COG5: variants seen among roughly 807,000 people sequenced by gnomAD.
The protein encoded by COG5 is component of oligomeric golgi complex 5.
In COG5, 86 loss-of-function variants were observed where a neutral mutation model predicts 110.4. The ratio of observed to expected loss-of-function variants is 0.78; its 90% confidence interval spans 0.65 to 0.93. The LOEUF is 0.93. Among genes scored for constraint, COG5 ranks in the 40% least tolerant of loss-of-function variants. The pLI is 0.00. For missense variants in COG5, 1,077 were observed against 987.0 expected (o/e 1.09, Z -1.22); for synonymous variants, 360 against 334.6 (o/e 1.08, Z -0.83).
chr7:107,563,528 A>T, intron 1 of COG5: 2 of 429,052 alleles, frequency 4.7e-6, no homozygotes, highest in Non-Finnish European at 4.2e-6. Context: ...CCGAAACTTC[A>T]GGGAAGCTGG....
chr7:107,425,403 G>A (rs1584807236), intron 6 of COG5, among the ~76,000 whole-genome samples: 1 of 148,428 alleles, frequency 6.7e-6, no homozygotes. Flanking sequence ...CTCCTATGAA[G>A]AGTCTCCATC....
At chr7:107,297,954 C>A (rs1806899589) in intron 12 of COG5, among the ~76,000 whole-genome samples, 188 bp downstream of exon 12, 1 of 151,940 alleles carries the variant, frequency 6.6e-6, no homozygotes, top group South Asian at 2.1e-4. Context: ...AAGTGTTCAA[C>A]TAAGGGTGAA....
intron 10 of COG5, among the ~76,000 whole-genome samples, chr7:107,333,087 T>C (rs974480476): frequency 2.0e-5 from 3 of 152,116 alleles, no homozygotes; most frequent in African/African-American, 4.8e-5. Context: ...GGAAGTACAG[T>C]GTAAAAAACT....
At chr7:107,290,699 ATTTTTTTTCCTTT>A (rs1806093824) in intron 12 of COG5, among the ~76,000 whole-genome samples, 1 of 151,784 alleles carries the variant, frequency 6.6e-6, no homozygotes, top group Admixed American at 6.6e-5. Context: ...TTCTTGGCTC[ATTTTTTTTCCTTT>A]GAGCAATCTG....
intron 2 of COG5, among the ~76,000 whole-genome samples, chr7:107,556,222 C>T (rs1803306133): frequency 6.6e-6 from 1 of 152,094 alleles, no homozygotes; most frequent in Admixed American, 6.6e-5. Context: ...GTGGTAGTTC[C>T]TTCAACTCCG....
At chr7:107,548,899 A>G (rs1395194820) in intron 3 of COG5, among the ~76,000 whole-genome samples, 1 of 152,224 alleles carries the variant, frequency 6.6e-6, no homozygotes, top group Non-Finnish European at 1.5e-5. Context: ...TAGGCTTTCA[A>G]TTAGTACAGA....
At chr7:107,204,931 A>G (rs933178778) in intron 21 of COG5, among the ~76,000 whole-genome samples, 1 of 152,224 alleles carries the variant, frequency 6.6e-6, no homozygotes, top group Non-Finnish European at 1.5e-5. Context: ...AAAGGGCACC[A>G]TCAACTTAAG....
At position 107,483,683 on chromosome 7, in the gene COG5, G is replaced by A. The variant is rs181424683; in HGVS notation, c.538+43554C>T. Among the ~76,000 whole-genome samples the A allele has an allele frequency of 2.5e-3, 373 of 150,502 alleles. 1 individual carries two copies. The highest frequency in any genetic ancestry group is 8.6e-3 in the African/African-American group (352 of 40,908). ...CGCACCATTGCACTCCAGCCTGGGA[G>A]GCAACAAGAGCAAAACTGCATCTAA... On this transcript the variant is annotated intron_variant, in intron 6 of 21. Coordinates refer to ENST00000297135, the MANE Select transcript of COG5 (RefSeq NM_006348.5).
intron 7 of COG5, among the ~76,000 whole-genome samples, 176 bp from the exon 8 acceptor site, chr7:107,372,936 A>G (rs1470951124): frequency 7.1e-6 from 1 of 141,468 alleles, no homozygotes; most frequent in Non-Finnish European, 1.6e-5. Context: ...TTATTTTTAA[A>G]CTTTATTTCA....
At position 107,364,182 on chromosome 7, in the gene COG5, C is replaced by T. The variant is rs118069546; in HGVS notation, c.836-1762G>A. On this transcript the variant is annotated intron_variant, in intron 8 of 21. Transcript: ENST00000297135. ...TAGGAAGTACACAACATCATCTTAC[C>T]AATAGTATGTTTACCCTGAAGCTAA... Among the ~76,000 whole-genome samples, 25 of 152,154 alleles carry T rather than the reference C, an allele frequency of 1.6e-4. No individual in the cohort carries two copies. In the East Asian group the frequency reaches 4.8e-3, roughly 29 times the overall value.
chr7:107,491,303 C>T (rs923353115), intron 6 of COG5, among the ~76,000 whole-genome samples: 3 of 152,086 alleles, frequency 2.0e-5, no homozygotes, highest in Non-Finnish European at 4.4e-5. Context: ...ATCCTGGGTA[C>T]TCTTCCATCC....
chr7:107,455,839 G>C (rs1045700488), intron 6 of COG5, among the ~76,000 whole-genome samples: 1 of 152,228 alleles, frequency 6.6e-6, no homozygotes, highest in Non-Finnish European at 1.5e-5. Flanking sequence ...ATCCACCTAG[G>C]CTGGAGTGCA....
At chr7:107,305,355 A>C (rs759107176) in intron 11 of COG5, among the ~76,000 whole-genome samples, 45 of 152,156 alleles carry the variant, frequency 3.0e-4, no homozygotes, top group Non-Finnish European at 4.3e-4. Flanking sequence ...TAACTGGCCC[A>C]GTTCTCAATC....
chr7:107,372,779 G>T lies in COG5; in HGVS notation c.670-19C>A. On this transcript the variant is annotated intron_variant, in intron 7 of 21. Coordinates refer to ENST00000297135, the MANE Select transcript of COG5 (RefSeq NM_006348.5). ...TTGGATTCTTAAAAAAAGGTGGGGTGGGGTGGAAACAGATATAAATAGGAA... is the reference window on the plus strand; with the variant it reads ...TTGGATTCTTAAAAAAAGGTGGGGTTGGGTGGAAACAGATATAAATAGGAA... The T allele has an allele frequency of 1.2e-6, 2 of 1,612,576 alleles. No homozygotes were observed. Among genetic ancestry groups the T allele is most frequent in the Non-Finnish European group, 1.7e-6 (2 of 1,179,222 alleles).
intron 10 of COG5, among the ~76,000 whole-genome samples, chr7:107,343,360 GTTAAAA>G (rs764151021): frequency 2.0e-5 from 3 of 152,040 alleles, no homozygotes; most frequent in Admixed American, 6.6e-5. Context: ...CTAAGTAAAA[GTTAAAA>G]TTAAAGTAAC....
chr7:107,283,330 C>A (rs1369015853), intron 13 of COG5, among the ~76,000 whole-genome samples: 5 of 151,994 alleles, frequency 3.3e-5, no homozygotes, highest in Non-Finnish European at 7.4e-5. Context: ...GCATCCTTGG[C>A]AAGATATAGA....
chr7:107,556,596 C>T (rs1027914123), intron 2 of COG5, among the ~76,000 whole-genome samples: 6 of 152,130 alleles, frequency 3.9e-5, no homozygotes, highest in Non-Finnish European at 8.8e-5. Flanking sequence ...TACATTATCC[C>T]CGCTCTCATA....
Position 107,533,248 on chromosome 7 carries a change from G to A in COG5, c.418-5891C>T, listed in dbSNP as rs565060892. 3.6e-4 allele frequency among the ~76,000 whole-genome samples: 55 copies of A among 151,598 alleles called. 4 individuals carry two copies. Among genetic ancestry groups the A allele is most frequent in the African/African-American group, 1.3e-3 (52 of 40,966 alleles). On this transcript the variant is annotated intron_variant, in intron 5 of 21. Transcript: ENST00000297135. ...AAAAGGCTGAAAATGCCAAAAACCA[G>A]AATACCTCTTCTCCTCCAAAGGATC...
intron 17 of COG5, among the ~76,000 whole-genome samples, chr7:107,238,134 T>A (rs1801342919): frequency 6.6e-6 from 1 of 152,154 alleles, no homozygotes. Context: ...TTTGTACCCT[T>A]TGACCAACAT....
Sources: allele counts gnomAD v4.1 joint callset (sites outside exome capture counted in the v4.1 genomes callset), GRCh38; gene constraint gnomAD v4.1.1; transcripts MANE v1.5; gene names NCBI Gene and HGNC (gene_info 2026-07-23, HGNC 2026-07-21).